The following TSPAN7 variants were observed in gnomAD, a reference collection of about 807,000 sequenced individuals.
TSPAN7 encodes tetraspanin 7, also known as tetraspanin-7.
A neutral mutation model predicts 17.6 loss-of-function variants in TSPAN7; 1 was observed. The observed-to-expected ratio is 0.06, with a 90% CI of 0.02 to 0.27. TSPAN7 has a LOEUF of 0.27. Among genes scored for constraint, TSPAN7 ranks in the 10% least tolerant of loss-of-function variants. TSPAN7 has a pLI of 1.00. For synonymous variants in TSPAN7, 78 were observed against 79.0 expected (o/e 0.99, Z 0.07); for missense variants, 112 against 201.7 (o/e 0.56, Z 2.69).
chrX:38,618,835 C>T (rs897976721), intron 1 of TSPAN7, among the ~76,000 whole-genome samples: 3 of 110,878 alleles, frequency 2.7e-5, no homozygotes, highest in Non-Finnish European at 3.8e-5. Flanking sequence ...GGTCTCTCTG[C>T]GGGTGGTGGT....
intron 1 of TSPAN7, among the ~76,000 whole-genome samples, chrX:38,636,875 G>A (rs947417478): frequency 9.0e-6 from 1 of 111,144 alleles, no homozygotes; most frequent in African/African-American, 3.3e-5. Context: ...AGGAGGTCTC[G>A]AACTCCTGAC....
chrX:38,579,002 G>GA (rs895713962), intron 1 of TSPAN7, among the ~76,000 whole-genome samples: 3 of 111,396 alleles, frequency 2.7e-5, no homozygotes, highest in Non-Finnish European at 5.7e-5. Context: ...TCCTGAGGGG[G>GA]ATCCACATCA....
At chrX:38,563,238 T>G in intron 1 of TSPAN7, 1 of 654,796 alleles carries the variant, frequency 1.5e-6, no homozygotes, top group Middle Eastern at 4.1e-4. Flanking sequence ...CGGACTTTAT[T>G]TGGACTGACA....
At chrX:38,575,289 C>T (rs907479132) in intron 1 of TSPAN7, among the ~76,000 whole-genome samples, 1 of 111,753 alleles carries the variant, frequency 8.9e-6, no homozygotes, top group Non-Finnish European at 1.9e-5. Context: ...AAGCTGTGCC[C>T]AGATTTTTGA....
At chrX:38,650,301 A>G (rs755307857) in intron 1 of TSPAN7, among the ~76,000 whole-genome samples, 35 of 112,417 alleles carry the variant, frequency 3.1e-4, no homozygotes, top group Non-Finnish European at 3.9e-4. Context: ...TTTACGTTTG[A>G]ATAATGCGAG....
At chrX:38,684,025 T>G (rs1056246025) in intron 6 of TSPAN7, among the ~76,000 whole-genome samples, 1 of 112,486 alleles carries the variant, frequency 8.9e-6, no homozygotes, top group African/African-American at 3.2e-5. Flanking sequence ...GCTCTCTCTC[T>G]TCCTCCCTCC....
At chrX:38,660,595 GAT>G (rs1037432816) in intron 1 of TSPAN7, among the ~76,000 whole-genome samples, 1 of 112,306 alleles carries the variant, frequency 8.9e-6, no homozygotes, top group African/African-American at 3.2e-5. Context: ...TCCTCTGGGG[GAT>G]ATTTCACAAT....
At chrX:38,562,178 C>T (rs1444040901) in intron 1 of TSPAN7, among the ~76,000 whole-genome samples, 1 of 111,711 alleles carries the variant, frequency 9.0e-6, no homozygotes, top group Non-Finnish European at 1.9e-5. Context: ...CCGAAGTCTC[C>T]CAAGCGCACG....
At chrX:38,580,282 A>G (rs2069220944) in intron 1 of TSPAN7, among the ~76,000 whole-genome samples, 1 of 112,258 alleles carries the variant, frequency 8.9e-6, no homozygotes, top group African/African-American at 3.2e-5. Flanking sequence ...AGTCTAGTTC[A>G]TTCTTTGTGA....
intron 1 of TSPAN7, among the ~76,000 whole-genome samples, chrX:38,658,947 C>T (rs1170202157): frequency 6.4e-5 from 7 of 110,032 alleles, no homozygotes; most frequent in Admixed American, 4.9e-4. Context: ...ACTTCCCTGT[C>T]TCCTTTTAAT....
intron 1 of TSPAN7, among the ~76,000 whole-genome samples, chrX:38,639,639 T>C (rs909288032): frequency 1.6e-4 from 17 of 107,070 alleles, no homozygotes; most frequent in African/African-American, 5.1e-4. Flanking sequence ...TGCCACATAC[T>C]GGGTTACTGT....
chrX:38,685,109 T>G (rs1170686194), intron 6 of TSPAN7, among the ~76,000 whole-genome samples: 1 of 111,596 alleles, frequency 9.0e-6, no homozygotes, highest in Non-Finnish European at 1.9e-5. Context: ...TATGTGCTGG[T>G]CATTCTTTTC....
At chrX:38,680,471 C>T (rs1254069474) in intron 5 of TSPAN7, among the ~76,000 whole-genome samples, 1 of 107,940 alleles carries the variant, frequency 9.3e-6, no homozygotes, top group Non-Finnish European at 1.9e-5. Context: ...ACCATGTCTT[C>T]CTAGCTGAAT....
At chrX:38,612,475 C>T (rs956746178) in intron 1 of TSPAN7, 3 of 112,002 alleles carry the variant, frequency 2.7e-5, no homozygotes, top group African/African-American at 6.5e-5. Flanking sequence ...TGAAAGTTCT[C>T]AGTGTGCCCC....
chrX:38,620,167 A>G (rs1046121517), intron 1 of TSPAN7, among the ~76,000 whole-genome samples: 2 of 111,759 alleles, frequency 1.8e-5, no homozygotes, highest in Non-Finnish European at 3.8e-5. Context: ...TGACTTCTAC[A>G]AGTACACAGT....
chrX:38,593,952 C>T (rs894870404), intron 1 of TSPAN7, among the ~76,000 whole-genome samples: 1 of 112,521 alleles, frequency 8.9e-6, no homozygotes, highest in Non-Finnish European at 1.9e-5. Context: ...TCTATAAAAA[C>T]TATGAGTTCA....
intron 1 of TSPAN7, among the ~76,000 whole-genome samples, chrX:38,577,778 C>T (rs1314968758): frequency 9.3e-6 from 1 of 107,012 alleles, no homozygotes; most frequent in Admixed American, 1.0e-4. Context: ...CAAACCTGCA[C>T]GTTGTGCACA....
At chrX:38,683,580 C>T (rs1205325327) in intron 6 of TSPAN7, among the ~76,000 whole-genome samples, 1 of 112,905 alleles carries the variant, frequency 8.9e-6, no homozygotes, top group Non-Finnish European at 1.9e-5. Flanking sequence ...CCAGGCAGGT[C>T]CAGCAGGGCA....
chrX:38,609,872 G>A (rs1331072451), intron 1 of TSPAN7, among the ~76,000 whole-genome samples: 1 of 110,366 alleles, frequency 9.1e-6, no homozygotes, highest in Non-Finnish European at 1.9e-5. Context: ...CTGAAATGCT[G>A]GAGAGAGGGT....
Sources: gnomAD v4.1 joint callset for allele counts (sites outside exome capture counted in the v4.1 genomes callset) on GRCh38, gnomAD v4.1.1 for gene constraint, MANE v1.5 for transcripts, NCBI Gene and HGNC (gene_info 2026-07-23, HGNC 2026-07-21) for gene names.